The following DLGAP2 variants were observed in gnomAD, a reference collection of about 807,000 sequenced individuals.
DLGAP2 encodes disks large-associated protein 2.
In DLGAP2, 26 loss-of-function variants were observed where a neutral mutation model predicts 100.3. The ratio of observed to expected loss-of-function variants is 0.26; its 90% CI spans 0.19 to 0.36. The LOEUF is 0.36. DLGAP2 is among the 10% of genes least tolerant of loss of function. DLGAP2 has a pLI of 1.00. For synonymous variants in DLGAP2, 886 were observed against 630.1 expected, an observed-to-expected ratio of 1.41 and a Z score of -6.08; for missense variants, 1,858 against 1,453.2, an observed-to-expected ratio of 1.28 and a Z score of -4.53.
intron 3 of DLGAP2, among the ~76,000 whole-genome samples, chr8:1,387,137 T>C (rs939977337): frequency 2.0e-5 from 3 of 152,082 alleles, no homozygotes; most frequent in South Asian, 4.1e-4. Flanking sequence ...GTCGTGATCA[T>C]TGACAGTAAG....
At position 1,697,247 on chromosome 8, in the gene DLGAP2, T is replaced by G. The variant is rs1303258505; in HGVS notation, c.2897T>G (p.Leu966Arg). Residue 966 changes from leucine (L) to arginine (R), a missense_variant, in exon 14 of 15, where the codon CTG (leucine) becomes CGG (arginine). Coordinates refer to ENST00000637795, the MANE Select transcript of DLGAP2 (RefSeq NM_001346810.2). ...IEDVSMKFDE[L>R]QRLRLNDWKM... is the part of the protein sequence containing the mutation. ...GACGTCAGCATGAAGTTCGACGAGCTGCAGCGGCTGCGGCTCAACGACTGG... is the reference window on the plus strand; with the variant it reads ...GACGTCAGCATGAAGTTCGACGAGCGGCAGCGGCTGCGGCTCAACGACTGG... The G allele has an allele frequency of 6.2e-7, 1 of 1,611,076 alleles. No homozygotes were observed. Among genetic ancestry groups the G allele is most frequent in the Non-Finnish European group, 8.5e-7 (1 of 1,178,276 alleles).
intron 8 of DLGAP2, among the ~76,000 whole-genome samples, chr8:1,639,796 G>A (rs960512453): frequency 6.6e-6 from 1 of 152,206 alleles, no homozygotes; most frequent in African/African-American, 2.4e-5. Context: ...GTCCTTGGCT[G>A]CGGGCCACAT....
At chr8:748,565 C>T (rs759145010) in intron 1 of DLGAP2, among the ~76,000 whole-genome samples, 5 of 152,084 alleles carry the variant, frequency 3.3e-5, no homozygotes, top group Admixed American at 6.5e-5. Flanking sequence ...ATAGAGGAGC[C>T]GAGAGATAGA....
rs142383192 is a variant in DLGAP2, at chr8:1,343,855, T to C, written c.106+84972T>C. Among the ~76,000 whole-genome samples the C allele has an allele frequency of 3.6e-4, 55 of 152,184 alleles. No individual in the cohort carries two copies. In the East Asian group the frequency reaches 0.01, roughly 29 times the overall value. ...GTGACAGAGCAGATGATGCTCCAAT[T>C]CCAGGGAGTAGGGGGAGCTCAGCCC... On this transcript the variant is annotated intron_variant, in intron 3 of 14. Transcript: ENST00000637795.
At chr8:1,313,739 G>A (rs546959316) in intron 3 of DLGAP2, among the ~76,000 whole-genome samples, 3 of 152,168 alleles carry the variant, frequency 2.0e-5, no homozygotes, top group Non-Finnish European at 2.9e-5. Context: ...GAAAAGGTCA[G>A]ATTTTTGAAT....
chr8:1,188,941 G>A (rs965843034), intron 2 of DLGAP2, among the ~76,000 whole-genome samples: 14 of 152,090 alleles, frequency 9.2e-5, no homozygotes, highest in South Asian at 4.1e-4. Context: ...CTTCCAGGCC[G>A]GTTCCGCGGT....
chr8:1,377,123 G>A (rs572580516), intron 3 of DLGAP2, among the ~76,000 whole-genome samples: 14 of 152,328 alleles, frequency 9.2e-5, no homozygotes, highest in South Asian at 2.1e-4. Context: ...GCGTCCCAGC[G>A]AGAGGAAGTC....
At chr8:1,092,379 C>T (rs1176928762) in intron 2 of DLGAP2, among the ~76,000 whole-genome samples, 1 of 152,242 alleles carries the variant, frequency 6.6e-6, no homozygotes, top group African/African-American at 2.4e-5. Context: ...CACCTTGAGG[C>T]CTCTTATAGC....
At chr8:1,570,855 GAT>G (rs1802631139) in intron 6 of DLGAP2, among the ~76,000 whole-genome samples, 5 of 148,712 alleles carry the variant, frequency 3.4e-5, no homozygotes, top group African/African-American at 5.0e-5. Flanking sequence ...GAACTGTGGG[GAT>G]GTCTGATGAG....
chr8:1,320,377 C>T (rs1800867285), intron 3 of DLGAP2, among the ~76,000 whole-genome samples: 1 of 152,070 alleles, frequency 6.6e-6, no homozygotes, highest in African/African-American at 2.4e-5. Flanking sequence ...CTACAGATGA[C>T]ACTGAACCCT....
At chr8:1,567,912 A>G (rs1802466558) in intron 6 of DLGAP2, among the ~76,000 whole-genome samples, 1 of 152,228 alleles carries the variant, frequency 6.6e-6, no homozygotes, top group African/African-American at 2.4e-5. Flanking sequence ...AAAGCATTCC[A>G]TGGCCTCAAA....
chr8:1,007,248 C>T (rs62488478), intron 2 of DLGAP2, among the ~76,000 whole-genome samples: 23,813 of 152,202 alleles, frequency 0.16, 2,458 homozygotes, highest in Non-Finnish European at 0.23. Context: ...ACACTCTTCA[C>T]GTGTCTGCAC....
chr8:1,474,989 A>C (rs914912797), intron 3 of DLGAP2, among the ~76,000 whole-genome samples: 2 of 152,372 alleles, frequency 1.3e-5, no homozygotes, highest in Middle Eastern at 6.8e-3. Flanking sequence ...CTAGATGCCC[A>C]TCAAAGGGGG....
chr8:1,644,661 A>G (rs147029751), intron 8 of DLGAP2, among the ~76,000 whole-genome samples: 101 of 152,350 alleles, frequency 6.6e-4, no homozygotes, highest in African/African-American at 2.3e-3. Flanking sequence ...CAGAATCTCG[A>G]TGTACATTTA....
intron 1 of DLGAP2, among the ~76,000 whole-genome samples, chr8:892,461 T>C (rs939504782): frequency 6.6e-6 from 1 of 152,156 alleles, no homozygotes; most frequent in Non-Finnish European, 1.5e-5. Context: ...AAGACCTTGC[T>C]GTGTGACTCC....
At chr8:1,211,721 C>A (rs578158341) in intron 2 of DLGAP2, among the ~76,000 whole-genome samples, 77 of 152,144 alleles carry the variant, frequency 5.1e-4, no homozygotes, top group South Asian at 1.7e-3. Context: ...ACTAAAAATA[C>A]AAAATTAGCC....
chr8:1,362,281 G>A lies in DLGAP2; in HGVS notation c.106+103398G>A, dbSNP rs75067918. 5.0e-3 allele frequency among the ~76,000 whole-genome samples: 763 copies of A among 152,068 alleles called. 5 individuals are homozygous for A. The highest frequency in any genetic ancestry group is 0.018 in the African/African-American group (729 of 41,400). On this transcript the variant is annotated intron_variant, in intron 3 of 14. Coordinates refer to ENST00000637795, the MANE Select transcript of DLGAP2 (RefSeq NM_001346810.2). The stretch of plus-strand genomic sequence containing the variant: ...TCCACTCAGGGCCAGGCAGGTAAAC[G>A]GGTCGAATCCTGGGTCTTAGGGATG...
intron 1 of DLGAP2, among the ~76,000 whole-genome samples, chr8:896,718 G>C (rs1443565759): frequency 6.6e-6 from 1 of 152,130 alleles, no homozygotes; most frequent in Non-Finnish European, 1.5e-5. Context: ...GCCCGGAAGT[G>C]GGTCCTCACC....
intron 3 of DLGAP2, among the ~76,000 whole-genome samples, chr8:1,290,262 C>A (rs920477210): frequency 6.6e-6 from 1 of 152,216 alleles, no homozygotes; most frequent in Non-Finnish European, 1.5e-5. Flanking sequence ...TCACGTCCGT[C>A]GCGCTCCTGA....
Sources: gnomAD v4.1 joint callset for allele counts (sites outside exome capture counted in the v4.1 genomes callset) on GRCh38, gnomAD v4.1.1 for gene constraint, MANE v1.5 for transcripts, NCBI Gene and HGNC (gene_info 2026-07-23, HGNC 2026-07-21) for gene names.